The following KIRREL3 variants were observed in gnomAD, a reference collection of about 807,000 sequenced individuals.
KIRREL3 encodes kin of IRRE-like protein 3.
In KIRREL3, 36 loss-of-function variants were observed where a neutral mutation model predicts 89.7. The observed-to-expected ratio is 0.40, with a 90% confidence interval of 0.31 to 0.53. The LOEUF (loss-of-function observed/expected upper bound fraction) is 0.53, where lower values mean the gene tolerates loss of function less well. Ranked by LOEUF, KIRREL3 falls within the 20% of genes least tolerant of loss-of-function variation. The pLI is 0.49. For synonymous variants in KIRREL3, 445 were observed against 441.4 expected (o/e 1.01, Z -0.10); for missense variants, 864 against 1,056.6 (o/e 0.82, Z 2.53).
intron 1 of KIRREL3, among the ~76,000 whole-genome samples, chr11:126,725,596 T>C (rs576418588): frequency 3.3e-5 from 5 of 152,362 alleles, no homozygotes; most frequent in South Asian, 4.1e-4. Flanking sequence ...TCAGTGGCTT[T>C]CCTGCCTTCC....
chr11:126,432,481 C>T lies in KIRREL3; in HGVS notation c.1589-955G>A, dbSNP rs984283382. On this transcript the variant is annotated intron_variant, in intron 13 of 16. Coordinates refer to ENST00000525144, the MANE Select transcript of KIRREL3 (RefSeq NM_032531.4). This position sits in a 1 kb window ranked among gnomAD's most constrained non-coding sequence, Gnocchi z 6.2. ...GGGCAGGGAGAGCTTGGGGCTCTCA[C>T]TGAGGTCCGGAGAAGTCAAGTGATT... 2.0e-5 allele frequency among the ~76,000 whole-genome samples: 3 copies of T among 152,156 alleles called. No individual in the cohort carries two copies. The highest frequency in any genetic ancestry group is 4.4e-5 in the Non-Finnish European group (3 of 68,024).
At chr11:126,894,513 A>G (rs918110990) in intron 1 of KIRREL3, among the ~76,000 whole-genome samples, 3 of 132,350 alleles carry the variant, frequency 2.3e-5, no homozygotes, top group Non-Finnish European at 4.7e-5. Flanking sequence ...GTTCGAGACC[A>G]GCCTGGGCAA....
rs910749223 is a variant in KIRREL3 at position 126,947,697 on chromosome 11, T to C, written c.55+52758A>G. 2.0e-5 allele frequency among the ~76,000 whole-genome samples: 3 copies of C among 152,348 alleles called. No individual in the cohort carries two copies. In the South Asian group the frequency reaches 6.2e-4, roughly 32 times the overall value. On this transcript the variant is annotated intron_variant, in intron 1 of 16. Coordinates refer to ENST00000525144, the MANE Select transcript of KIRREL3 (RefSeq NM_032531.4). ...ATAGAGAGATGGGATGGGATAGCTG[T>C]TGCAGACTGAGATGGGATTAAAAAG...
chr11:126,570,999 G>C lies in KIRREL3; in HGVS notation c.56-8087C>G, dbSNP rs145222325. On this transcript the variant is annotated intron_variant, in intron 1 of 16. Transcript: ENST00000525144. This position sits in a 1 kb window ranked among gnomAD's most constrained non-coding sequence, Gnocchi z 6.1. The stretch of plus-strand genomic sequence containing the variant: ...GTTATTCTCCTTGTTGTTATTTAGC[G>C]AGAGATTGACACTTTAGAGGAGTGA... 1.3e-5 allele frequency among the ~76,000 whole-genome samples: 2 copies of C among 152,222 alleles called. No individual in the cohort carries two copies. Among genetic ancestry groups the C allele is most frequent in the South Asian group, 4.1e-4 (2 of 4,824 alleles).
rs10893578 is a variant in KIRREL3, at chr11:126,817,112, T to A, written c.55+183343A>T. ...ATGAGGAAAGCCAACACTATTAAAA[T>A]TAATAGGAAAGATAGAAAAATTAAG... On this transcript the variant is annotated intron_variant, in intron 1 of 16. Transcript: ENST00000525144. The surrounding 1 kb of genome is among the most constrained non-coding windows in gnomAD (Gnocchi z 5.7). Among the ~76,000 whole-genome samples the A allele has an allele frequency of 0.26, 39,883 of 151,770 alleles. 5,312 individuals are homozygous for A. The highest frequency in any genetic ancestry group is 0.43 in the East Asian group (2,236 of 5,176).
Position 126,696,594 on chromosome 11 carries a change from C to T in KIRREL3, c.56-133682G>A, listed in dbSNP as rs888196396. On this transcript the variant is annotated intron_variant, in intron 1 of 16. Transcript: ENST00000525144. The surrounding 1 kb of genome is among the most constrained non-coding windows in gnomAD (Gnocchi z 4.4). ...TGCCATCCTCCACGTGATCCCCAAA[C>T]GTTGCTGATCAACACACCACAGCTG... is the stretch of plus-strand genomic sequence containing the variant. Among the ~76,000 whole-genome samples, 2 of 152,214 alleles carry T rather than the reference C, an allele frequency of 1.3e-5. No homozygotes were observed. The highest frequency in any genetic ancestry group is 1.9e-4 in the East Asian group (1 of 5,196).
In KIRREL3 at chr11:126,642,281, C is replaced by G. The variant is rs1386996260; in HGVS notation, c.56-79369G>C. Among the ~76,000 whole-genome samples the G allele has an allele frequency of 6.6e-6, 1 of 152,234 alleles. No homozygotes were observed. Among genetic ancestry groups the G allele is most frequent in the Non-Finnish European group, 1.5e-5 (1 of 68,042 alleles). On this transcript the variant is annotated intron_variant, in intron 1 of 16. Coordinates refer to ENST00000525144, the MANE Select transcript of KIRREL3 (RefSeq NM_032531.4). The surrounding 1 kb of genome is among the most constrained non-coding windows in gnomAD (Gnocchi z 4.9). ...TGGTTAGTTCTCACTTTCCCCATTT[C>G]TGAGACCAGCAAGAGGCTCTGTTTG...
At chr11:126,799,864 T>C (rs1223865475) in intron 1 of KIRREL3, among the ~76,000 whole-genome samples, 1 of 152,060 alleles carries the variant, frequency 6.6e-6, no homozygotes, top group Non-Finnish European at 1.5e-5. Flanking sequence ...ACTGAGCAAA[T>C]ACACCTAAAA....
rs895411723 is a variant in KIRREL3, at chr11:126,946,830, T to A, written c.55+53625A>T. The stretch of plus-strand genomic sequence containing the variant: ...CACGAAACAACCATATAAGTAGATA[T>A]CATTGTACATTGTTCAACCACTATT... On this transcript the variant is annotated intron_variant, in intron 1 of 16. Coordinates refer to ENST00000525144, the MANE Select transcript of KIRREL3 (RefSeq NM_032531.4). The surrounding 1 kb of genome is among the most constrained non-coding windows in gnomAD (Gnocchi z 4.1). 1.3e-5 allele frequency among the ~76,000 whole-genome samples: 2 copies of A among 152,222 alleles called. No homozygotes were observed. The highest frequency in any genetic ancestry group is 4.8e-5 in the African/African-American group (2 of 41,460).
At chr11:126,794,844 C>CT (rs1243076801) in intron 1 of KIRREL3, among the ~76,000 whole-genome samples, 3 of 152,176 alleles carry the variant, frequency 2.0e-5, no homozygotes, top group African/African-American at 7.2e-5. Context: ...TGAAAGCAAC[C>CT]TAGATGTCCC....
intron 1 of KIRREL3, among the ~76,000 whole-genome samples, chr11:126,961,943 C>T (rs1949100124): frequency 6.6e-6 from 1 of 152,248 alleles, no homozygotes; most frequent in African/African-American, 2.4e-5. Context: ...GACAGCACAT[C>T]TGCTTACAGG....
At position 126,557,915 on chromosome 11, in the gene KIRREL3, A is replaced by G. The variant is rs1380879904; in HGVS notation, c.133+4920T>C. ...TCCTGGGTGCTCCAGCTCTTCCCAC[A>G]CAGGGTAGAGGTCTCCAGTCAGCAA... On this transcript the variant is annotated intron_variant, in intron 2 of 16. Coordinates refer to ENST00000525144, the MANE Select transcript of KIRREL3 (RefSeq NM_032531.4). The surrounding 1 kb of genome is among the most constrained non-coding windows in gnomAD (Gnocchi z 5.6). Among the ~76,000 whole-genome samples, 1 of 152,200 alleles carries G rather than the reference A, an allele frequency of 6.6e-6. No individual in the cohort carries two copies. Among genetic ancestry groups the G allele is most frequent in the East Asian group, 1.9e-4 (1 of 5,194 alleles).
At chr11:126,604,662 G>T (rs979298870) in intron 1 of KIRREL3, among the ~76,000 whole-genome samples, 9 of 152,228 alleles carry the variant, frequency 5.9e-5, no homozygotes, top group Non-Finnish European at 1.3e-4. Context: ...GGTGTTCACA[G>T]CACACTGCCT....
At chr11:126,842,610 T>G (rs1270134328) in intron 1 of KIRREL3, among the ~76,000 whole-genome samples, 1 of 152,192 alleles carries the variant, frequency 6.6e-6, no homozygotes, top group Non-Finnish European at 1.5e-5. Flanking sequence ...TGGTCTTGTC[T>G]TTGCAGAGCT....
chr11:126,459,871 G>A lies in KIRREL3; in HGVS notation c.742+3286C>T, dbSNP rs912438687. ...AGAGTCCAGATGTGGTGAGGCTTTG[G>A]GGGTGTTAAGCTTTCTCTCCCATTA... is the stretch of plus-strand genomic sequence containing the variant. On this transcript the variant is annotated intron_variant, in intron 6 of 16. Coordinates refer to ENST00000525144, the MANE Select transcript of KIRREL3 (RefSeq NM_032531.4). The surrounding 1 kb of genome is among the most constrained non-coding windows in gnomAD (Gnocchi z 4.8). Among the ~76,000 whole-genome samples the A allele has an allele frequency of 1.3e-5, 2 of 152,176 alleles. No individual in the cohort carries two copies. Among genetic ancestry groups the A allele is most frequent in the Admixed American group, 6.5e-5 (1 of 15,272 alleles).
intron 4 of KIRREL3, among the ~76,000 whole-genome samples, chr11:126,479,809 T>A (rs1235393679): frequency 6.6e-6 from 1 of 152,182 alleles, no homozygotes; most frequent in Admixed American, 6.5e-5. Flanking sequence ...TTCCTTTGTG[T>A]ATGCCGTTTC....
chr11:126,688,965 C>A (rs1453907268), intron 1 of KIRREL3, among the ~76,000 whole-genome samples: 1 of 149,942 alleles, frequency 6.7e-6, no homozygotes, highest in Non-Finnish European at 1.5e-5. Flanking sequence ...TTTTTTTTTC[C>A]GCTCTCAATC....
intron 1 of KIRREL3, among the ~76,000 whole-genome samples, chr11:126,853,039 T>C (rs1944392382): frequency 6.6e-6 from 1 of 152,212 alleles, no homozygotes; most frequent in Non-Finnish European, 1.5e-5. Context: ...TCATGTAACT[T>C]AAGTTTTTTG....
At chr11:126,556,932 G>T (rs1485056460) in intron 2 of KIRREL3, among the ~76,000 whole-genome samples, 1 of 152,202 alleles carries the variant, frequency 6.6e-6, no homozygotes, top group Non-Finnish European at 1.5e-5. Flanking sequence ...AAACACATCA[G>T]TAAGAAAAAT....
Sources: allele counts gnomAD v4.1 joint callset (sites outside exome capture counted in the v4.1 genomes callset), GRCh38; gene constraint gnomAD v4.1.1; non-coding constraint Gnocchi (gnomAD v3.1); transcripts MANE v1.5; gene names NCBI Gene and HGNC (gene_info 2026-07-23, HGNC 2026-07-21).